CEP350: variants seen among roughly 807,000 people sequenced by gnomAD.
The protein encoded by CEP350 is centrosomal protein 350.
Under a neutral mutation model 331.8 loss-of-function variants are expected in CEP350, and 126 were observed. The ratio of observed to expected loss-of-function variants is 0.38; its 90% CI spans 0.33 to 0.44. CEP350 has a LOEUF of 0.44. Among genes scored for constraint, CEP350 ranks in the 20% least tolerant of loss-of-function variants. The pLI, the probability that CEP350 is intolerant of heterozygous loss-of-function variation, is 1.00. For synonymous variants in CEP350, 1,200 were observed against 1,259.5 expected (o/e 0.95, Z 1.00); for missense variants, 3,406 against 3,634.6 (o/e 0.94, Z 1.62).
intron 36 of CEP350, 33 bp from the exon 37 acceptor site, chr1:180,098,826 GTTGT>G (rs1660637785): frequency 1.9e-6 from 3 of 1,583,542 alleles, no homozygotes; most frequent in Non-Finnish European, 2.6e-6. Context: ...AGGAATTTCT[GTTGT>G]TTGTGTTTCG....
rs1045665315 is a variant in CEP350 at position 180,114,533 on chromosome 1, A to G, written c.*3372A>G. ...GAGGTACTGTCATTTTAATTAACCT[A>G]TGTTTAATAGCTTTTCCTTCTGGAC... On this transcript the variant is annotated 3_prime_UTR_variant, in exon 38 of 38. Transcript: ENST00000367607. The G allele has an allele frequency of 6.5e-6, 1 of 152,678 alleles. No homozygotes were observed. Among genetic ancestry groups the G allele is most frequent in the Non-Finnish European group, 1.5e-5 (1 of 68,040 alleles). 9.5% of individuals were successfully genotyped at this position (152,678 alleles called of 1,614,324 possible).
chr1:179,972,997 A>G (rs112894270), intron 1 of CEP350, among the ~76,000 whole-genome samples: 2,527 of 151,454 alleles, frequency 0.017, 73 homozygotes, highest in African/African-American at 0.058. Context: ...CCTCCCGAGT[A>G]GCTGGGACTA....
At chr1:180,003,630 C>G (rs1238868348) in intron 7 of CEP350, among the ~76,000 whole-genome samples, 1 of 152,038 alleles carries the variant, frequency 6.6e-6, no homozygotes, top group Non-Finnish European at 1.5e-5. Flanking sequence ...AGTAATTTGT[C>G]AGGCAGCAGG....
intron 8 of CEP350, 78 bp downstream of exon 8, chr1:180,006,645 A>G: frequency 1.3e-6 from 1 of 774,254 alleles, no homozygotes; most frequent in East Asian, 2.7e-5. Flanking sequence ...TTTGGGATAC[A>G]TGTGCAGAAC....
At chr1:180,029,258 C>T (rs1224533928) in intron 14 of CEP350, among the ~76,000 whole-genome samples, 1 of 152,104 alleles carries the variant, frequency 6.6e-6, no homozygotes, top group Non-Finnish European at 1.5e-5. Context: ...GTAGGCCTTT[C>T]TTGCACAGAA....
chr1:180,069,450 A>G (rs1658756562), intron 27 of CEP350, among the ~76,000 whole-genome samples: 10 of 152,206 alleles, frequency 6.6e-5, no homozygotes, highest in Admixed American at 6.5e-4. Context: ...ATTGTCTTAA[A>G]TAATAATGTT....
intron 16 of CEP350, among the ~76,000 whole-genome samples, chr1:180,035,621 C>T (rs980057729): frequency 1.3e-5 from 2 of 152,166 alleles, no homozygotes; most frequent in African/African-American, 4.8e-5. Flanking sequence ...CTGTTTACAG[C>T]CCTCAGGTTT....
chr1:180,103,443 A>G lies in CEP350; in HGVS notation c.9189+4458A>G, dbSNP rs752523579. 2.4e-4 allele frequency among the ~76,000 whole-genome samples: 36 copies of G among 152,236 alleles called. 1 individual carries two copies. The highest frequency in any genetic ancestry group is 3.4e-3 in the Middle Eastern group (1 of 292). On this transcript the variant is annotated intron_variant, in intron 37 of 37. Coordinates refer to ENST00000367607, the MANE Select transcript of CEP350 (RefSeq NM_014810.5). ...CATTAAAAGGAAAACCTTACCAAGG[A>G]CTTCCTTACCCTATCTGCTTAAGTA...
chr1:180,047,117 G>T (rs1034690478), intron 21 of CEP350, among the ~76,000 whole-genome samples: 9 of 152,182 alleles, frequency 5.9e-5, no homozygotes, highest in African/African-American at 1.7e-4. Flanking sequence ...GAGTTTCTTA[G>T]AAATAACACT....
chr1:180,036,906 A>G lies in CEP350; in HGVS notation c.3947-20A>G. 1 of 1,497,554 alleles carries G rather than the reference A, an allele frequency of 6.7e-7. No individual in the cohort carries two copies. The highest frequency in any genetic ancestry group is 1.4e-5 in the South Asian group (1 of 73,416). 92.8% of individuals were successfully genotyped at this position (1,497,554 alleles called of 1,614,324 possible). ...AATTTCATGTTAACTTTTCCATTTGACCATTGTCATGCCTTCCAGGTTCTA... is the reference window on the plus strand; with the variant it reads ...AATTTCATGTTAACTTTTCCATTTGGCCATTGTCATGCCTTCCAGGTTCTA... On this transcript the variant is annotated intron_variant, in intron 16 of 37. Transcript: ENST00000367607.
intron 12 of CEP350, among the ~76,000 whole-genome samples, chr1:180,021,490 C>T (rs1321182879): frequency 1.3e-5 from 2 of 151,996 alleles, no homozygotes; most frequent in Non-Finnish European, 2.9e-5. Flanking sequence ...CCCACCATTA[C>T]TAAAAATACA....
intron 37 of CEP350, among the ~76,000 whole-genome samples, chr1:180,108,033 A>C (rs558899410): frequency 6.6e-6 from 1 of 152,268 alleles, no homozygotes; most frequent in South Asian, 2.1e-4. Flanking sequence ...AGGCTATGAG[A>C]TCCCCCAGTT....
At chr1:179,984,090 G>T (rs1652477587) in intron 1 of CEP350, among the ~76,000 whole-genome samples, 1 of 152,182 alleles carries the variant, frequency 6.6e-6, no homozygotes, top group Admixed American at 6.5e-5. Flanking sequence ...CTTTTGTTCA[G>T]TTTTAGCACA....
intron 25 of CEP350, among the ~76,000 whole-genome samples, chr1:180,061,367 T>A (rs943825250): frequency 6.6e-6 from 1 of 152,120 alleles, no homozygotes; most frequent in Non-Finnish European, 1.5e-5. Context: ...TGGCTAATTT[T>A]TGTGTCTTTT....
chr1:180,058,070 G>T (rs754427825), intron 25 of CEP350, among the ~76,000 whole-genome samples: 1 of 152,068 alleles, frequency 6.6e-6, no homozygotes, highest in Non-Finnish European at 1.5e-5. Flanking sequence ...CCACTACCTG[G>T]TTCAGTTGAG....
chr1:180,004,884 T>C (rs940859188), intron 7 of CEP350, among the ~76,000 whole-genome samples: 5 of 71,062 alleles, frequency 7.0e-5, no homozygotes, highest in Admixed American at 6.2e-4. Context: ...GCTTGCTTGC[T>C]TGCTTGCTTG....
chr1:180,006,441 T>C lies in CEP350; in HGVS notation c.1133-13T>C. 8.4e-7 allele frequency: 1 copy of C among 1,190,240 alleles called. No individual in the cohort carries two copies. 73.7% of individuals were successfully genotyped at this position (1,190,240 alleles called of 1,614,324 possible). A position where few individuals can be genotyped will look rare whatever the true frequency, so the allele number is the denominator to read the frequency against. On this transcript the variant is annotated splice_polypyrimidine_tract_variant and intron_variant, in intron 7 of 37. Coordinates refer to ENST00000367607, the MANE Select transcript of CEP350 (RefSeq NM_014810.5). ...TCATTGTTATATTTGCTGTAAATAT[T>C]TCTGCTTTTCAGATGATATTTCTAT...
chr1:179,980,565 TTTCC>T (rs1403006698), intron 1 of CEP350, among the ~76,000 whole-genome samples: 1 of 152,054 alleles, frequency 6.6e-6, no homozygotes, highest in Non-Finnish European at 1.5e-5. Flanking sequence ...GTGGCTAAGG[TTTCC>T]AGAACTATGT....
chr1:179,958,157 G>A (rs537688336), intron 1 of CEP350, among the ~76,000 whole-genome samples: 1 of 151,838 alleles, frequency 6.6e-6, no homozygotes, highest in South Asian at 2.1e-4. Context: ...ACTCAAAATG[G>A]GCCTTTTTTT....
Sources: allele counts gnomAD v4.1 joint callset (sites outside exome capture counted in the v4.1 genomes callset), GRCh38; gene constraint gnomAD v4.1.1; transcripts MANE v1.5; gene names NCBI Gene and HGNC (gene_info 2026-07-23, HGNC 2026-07-21).